Variants in GRK5 observed in about 807,000 individuals in gnomAD.
The protein encoded by GRK5 is g protein-coupled receptor kinase GRK5.
In GRK5, 40 loss-of-function variants were observed where a neutral mutation model predicts 78.4. That is an observed-to-expected ratio of 0.51 (90% CI 0.40 to 0.66). The LOEUF is 0.66. Ranked by LOEUF, GRK5 falls within the 30% of genes least tolerant of loss-of-function variation. GRK5 has a pLI of 0.00. For missense variants in GRK5, 598 were observed against 759.9 expected, an observed-to-expected ratio of 0.79 and a Z score of 2.50; for synonymous variants, 289 against 296.8, an observed-to-expected ratio of 0.97 and a Z score of 0.27.
intron 4 of GRK5, among the ~76,000 whole-genome samples, chr10:119,397,405 TAGTGTC>T (rs992752097): frequency 1.3e-5 from 2 of 152,216 alleles, no homozygotes; most frequent in Non-Finnish European, 2.9e-5. Flanking sequence ...TTTAGTGTTC[TAGTGTC>T]AGTGGTTCTG....
intron 4 of GRK5, among the ~76,000 whole-genome samples, chr10:119,402,237 C>T (rs1852163153): frequency 1.3e-5 from 2 of 152,196 alleles, no homozygotes; most frequent in Non-Finnish European, 2.9e-5. Flanking sequence ...TTAAAAACAT[C>T]ACGTGGCAGG....
At chr10:119,301,568 C>T (rs1850181300) in intron 1 of GRK5, among the ~76,000 whole-genome samples, 1 of 152,172 alleles carries the variant, frequency 6.6e-6, no homozygotes, top group Admixed American at 6.5e-5. Flanking sequence ...TAGAGCACGC[C>T]CCATCCGATG....
rs4751717 is a variant in GRK5 at position 119,412,260 on chromosome 10, A to C, written c.340-10906A>C. On this transcript the variant is annotated intron_variant, in intron 4 of 15. Coordinates refer to ENST00000392870, the MANE Select transcript of GRK5 (RefSeq NM_005308.3). The surrounding 1 kb of genome is among the most constrained non-coding windows in gnomAD (Gnocchi z 4.3). ...GTGAGAGCCTTCCAGCCTCGATCAC[A>C]AGGACCTCTACCCACAGGCTGCCGG... is the stretch of plus-strand genomic sequence containing the variant. Among the ~76,000 whole-genome samples, 1 of 152,136 alleles carries C rather than the reference A, an allele frequency of 6.6e-6. No homozygotes were observed. The highest frequency in any genetic ancestry group is 1.5e-5 in the Non-Finnish European group (1 of 68,040).
At chr10:119,226,255 G>A (rs1347619109) in intron 1 of GRK5, among the ~76,000 whole-genome samples, 2 of 151,152 alleles carry the variant, frequency 1.3e-5, no homozygotes, top group Non-Finnish European at 2.9e-5. Context: ...TGGGATTACA[G>A]GTGTGAGCCA....
chr10:119,395,875 C>T (rs1270833656), intron 3 of GRK5, among the ~76,000 whole-genome samples: 3 of 151,948 alleles, frequency 2.0e-5, no homozygotes, highest in Non-Finnish European at 4.4e-5. Flanking sequence ...CAAGTCCCTT[C>T]CCACCGCCGG....
At chr10:119,292,150 TC>T (rs1305902825) in intron 1 of GRK5, among the ~76,000 whole-genome samples, 1 of 31,284 alleles carries the variant, frequency 3.2e-5, no homozygotes, top group African/African-American at 1.0e-4. Context: ...CTCCTCCTCT[TC>T]CTCCTCCTCT....
chr10:119,299,794 ATGTGTGTG>A (rs3981127), intron 1 of GRK5, among the ~76,000 whole-genome samples: 12,238 of 124,292 alleles, frequency 0.098, 1,330 homozygotes, highest in African/African-American at 0.29. Flanking sequence ...ATTTAAGCAG[ATGTGTGTG>A]TGTGTGTGTG....
chr10:119,427,578 C>T (rs560134775), intron 6 of GRK5, among the ~76,000 whole-genome samples: 37 of 152,238 alleles, frequency 2.4e-4, no homozygotes, highest in Non-Finnish European at 4.1e-4. Flanking sequence ...ATCAGCATCA[C>T]CACCATCATC....
chr10:119,394,274 G>GTGTGTGTGAGTATC (rs1564916899), intron 3 of GRK5, among the ~76,000 whole-genome samples: 24 of 28,424 alleles, frequency 8.4e-4, no homozygotes, highest in East Asian at 1.9e-3. Context: ...GTGTGTGTGG[G>GTGTGTGTGAGTATC]CGTGTGTGTG....
intron 9 of GRK5, among the ~76,000 whole-genome samples, 178 bp downstream of exon 9, chr10:119,437,019 G>A (rs1162831291): frequency 6.6e-6 from 1 of 152,218 alleles, no homozygotes. Flanking sequence ...CGGCACTGAG[G>A]AAGCGAGGTG....
chr10:119,438,268 G>T (rs1207176005), intron 9 of GRK5, among the ~76,000 whole-genome samples: 1 of 152,048 alleles, frequency 6.6e-6, no homozygotes, highest in Non-Finnish European at 1.5e-5. Context: ...ATTGAGAAAG[G>T]GCAGATGGGA....
intron 1 of GRK5, among the ~76,000 whole-genome samples, chr10:119,226,312 A>AT (rs1848739933): frequency 4.1e-5 from 5 of 121,968 alleles, no homozygotes; most frequent in African/African-American, 1.6e-4. Context: ...TTTTAATTTT[A>AT]ATTTTTTTTT....
intron 2 of GRK5, among the ~76,000 whole-genome samples, chr10:119,335,765 C>T (rs986429103): frequency 2.6e-5 from 4 of 152,256 alleles, no homozygotes; most frequent in Admixed American, 1.3e-4. Context: ...ACAGGCCACC[C>T]TTGTCCAGCA....
chr10:119,308,608 G>A (rs747788913), intron 1 of GRK5, among the ~76,000 whole-genome samples: 68 of 152,356 alleles, frequency 4.5e-4, no homozygotes, highest in Admixed American at 8.5e-4. Flanking sequence ...TCCCGGTGAC[G>A]TTGGGCCGGT....
chr10:119,426,788 C>A (rs1852686626), intron 6 of GRK5, among the ~76,000 whole-genome samples: 1 of 151,728 alleles, frequency 6.6e-6, no homozygotes, highest in African/African-American at 2.4e-5. Context: ...CCATCAACAG[C>A]ATCACCACCT....
rs1159217526 is a variant in GRK5 at position 119,394,714 on chromosome 10, TGTGG to T, written c.262-1979_262-1976del. 5.0e-4 allele frequency among the ~76,000 whole-genome samples: 42 copies of T among 84,114 alleles called. 2 individuals are homozygous for T. The highest frequency in any genetic ancestry group is 1.5e-3 in the African/African-American group (38 of 25,560). 55.2% of individuals were successfully genotyped at this position (84,114 alleles called of 152,430 possible). A position where few individuals can be genotyped will look rare whatever the true frequency, so the allele number is the denominator to read the frequency against. ...GTGTGTGTGGGTGTGTATCTGTGTG[TGTGG>T]GGGCACGTGTATGTTTGGGTGTGTG... is the stretch of plus-strand genomic sequence containing the variant. On this transcript the variant is annotated intron_variant, in intron 3 of 15. Coordinates refer to ENST00000392870, the MANE Select transcript of GRK5 (RefSeq NM_005308.3).
intron 6 of GRK5, among the ~76,000 whole-genome samples, chr10:119,427,370 A>G (rs1384131403): frequency 6.8e-6 from 1 of 147,786 alleles, no homozygotes; most frequent in Non-Finnish European, 1.5e-5. Context: ...CATCACCATC[A>G]TCAGCATCAC....
intron 13 of GRK5, among the ~76,000 whole-genome samples, chr10:119,448,984 A>G (rs1046987279): frequency 5.9e-5 from 9 of 152,238 alleles, no homozygotes; most frequent in African/African-American, 1.7e-4. Context: ...TCAGGGAGTC[A>G]GAAGCCAGGA....
At chr10:119,402,305 G>A (rs540491539) in intron 4 of GRK5, among the ~76,000 whole-genome samples, 3 of 152,106 alleles carry the variant, frequency 2.0e-5, no homozygotes, top group Non-Finnish European at 2.9e-5. Context: ...GGATTGTCTC[G>A]GGTTTGTCAG....
Sources: allele counts gnomAD v4.1 joint callset (sites outside exome capture counted in the v4.1 genomes callset), GRCh38; gene constraint gnomAD v4.1.1; non-coding constraint Gnocchi (gnomAD v3.1); transcripts MANE v1.5; gene names NCBI Gene and HGNC (gene_info 2026-07-23, HGNC 2026-07-21).